The following ZSWIM5 variants were observed in gnomAD, a reference collection of about 807,000 sequenced individuals.
The protein encoded by ZSWIM5 is zinc finger SWIM domain-containing protein 5.
A neutral mutation model predicts 119.6 loss-of-function variants in ZSWIM5; 55 were observed. The observed-to-expected ratio is 0.46, with a 90% CI of 0.37 to 0.58. The LOEUF is 0.58. ZSWIM5 is among the 20% of genes least tolerant of loss of function. ZSWIM5 has a pLI of 0.00. For synonymous variants in ZSWIM5, 537 were observed against 606.9 expected (o/e 0.88, Z 1.69); for missense variants, 1,193 against 1,512.8 (o/e 0.79, Z 3.51).
rs186285827 is a variant in ZSWIM5 at position 45,077,978 on chromosome 1, T to C, written c.952+9903A>G. Among the ~76,000 whole-genome samples, 279 of 152,356 alleles carry C rather than the reference T, an allele frequency of 1.8e-3. 1 individual carries two copies. Among genetic ancestry groups the C allele is most frequent in the Non-Finnish European group, 2.5e-3 (173 of 68,034 alleles). On this transcript the variant is annotated intron_variant, in intron 2 of 13. Coordinates refer to ENST00000359600, the MANE Select transcript of ZSWIM5 (RefSeq NM_020883.2). ...TTTTTCAAGGTGCTCTGATTTCATATTGTACAAACACACATGCTGTACAAT... is the reference window on the plus strand; with the variant it reads ...TTTTTCAAGGTGCTCTGATTTCATACTGTACAAACACACATGCTGTACAAT...
At chr1:45,093,147 T>G (rs1341909833) in intron 1 of ZSWIM5, among the ~76,000 whole-genome samples, 1 of 152,240 alleles carries the variant, frequency 6.6e-6, no homozygotes, top group African/African-American at 2.4e-5. Context: ...CTCTTAACTC[T>G]TATACCATAC....
At chr1:45,053,997 T>C (rs1402830179) in intron 4 of ZSWIM5, among the ~76,000 whole-genome samples, 3 of 151,930 alleles carry the variant, frequency 2.0e-5, no homozygotes, top group Non-Finnish European at 2.9e-5. Flanking sequence ...TAAAAAAAAG[T>C]GTTGGCTTGG....
chr1:45,158,729 G>C (rs953717504), intron 1 of ZSWIM5, among the ~76,000 whole-genome samples: 22 of 152,152 alleles, frequency 1.4e-4, no homozygotes, highest in Non-Finnish European at 2.8e-4. Flanking sequence ...TAATGTGGCA[G>C]TTGCTGCCTT....
chr1:45,185,892 C>T (rs2149051035), intron 1 of ZSWIM5, among the ~76,000 whole-genome samples: 1 of 152,290 alleles, frequency 6.6e-6, no homozygotes. Context: ...CCAGCCATCC[C>T]ATTACTGGGT....
In ZSWIM5 at chr1:45,126,447, C is replaced by T. The variant is rs190691482; in HGVS notation, c.596-38210G>A. On this transcript the variant is annotated intron_variant, in intron 1 of 13. Transcript: ENST00000359600. ...GGACACAGATGAAAAGAAAAAAAAC[C>T]AATTCCTTAGAAAGCACAAACTACC... Among the ~76,000 whole-genome samples, 217 of 152,120 alleles carry T rather than the reference C, an allele frequency of 1.4e-3. 1 individual carries two copies. Among genetic ancestry groups the T allele is most frequent in the South Asian group, 1.5e-3 (7 of 4,826 alleles).
intron 1 of ZSWIM5, among the ~76,000 whole-genome samples, chr1:45,120,122 T>C (rs1645582268): frequency 6.6e-6 from 1 of 152,160 alleles, no homozygotes; most frequent in Non-Finnish European, 1.5e-5. Flanking sequence ...GGTGGGTGGA[T>C]CACTTGAGGT....
At chr1:45,034,104 G>A (rs1359647614) in intron 11 of ZSWIM5, among the ~76,000 whole-genome samples, 1 of 152,088 alleles carries the variant, frequency 6.6e-6, no homozygotes, top group African/African-American at 2.4e-5. Flanking sequence ...CTCCCGCCTC[G>A]GCCTCCCAAA....
In ZSWIM5 at chr1:45,165,328, G is replaced by A. The variant is rs1242004578; in HGVS notation, c.595+40428C>T. On this transcript the variant is annotated intron_variant, in intron 1 of 13. Coordinates refer to ENST00000359600, the MANE Select transcript of ZSWIM5 (RefSeq NM_020883.2). ...ACACATTTAAAGCAGTGTGTAGAGG[G>A]AAATTTACAGCACTAAATGCCTACA... Among the ~76,000 whole-genome samples the A allele has an allele frequency of 2.0e-5, 3 of 152,196 alleles. No homozygotes were observed. The East Asian group carries it at 5.8e-4, about 29-fold the overall frequency.
At chr1:45,060,667 T>C (rs1645147572) in intron 2 of ZSWIM5, among the ~76,000 whole-genome samples, 2 of 152,216 alleles carry the variant, frequency 1.3e-5, no homozygotes, top group African/African-American at 4.8e-5. Flanking sequence ...TCTTTGAACA[T>C]GAAAAGTTCT....
chr1:45,121,445 A>G (rs1645591328), intron 1 of ZSWIM5, among the ~76,000 whole-genome samples: 2 of 152,188 alleles, frequency 1.3e-5, no homozygotes, highest in Admixed American at 6.5e-5. Flanking sequence ...GGCATCAATG[A>G]CCACAAGTCT....
In ZSWIM5 at chr1:45,168,218, G is replaced by A. The variant is rs560989483; in HGVS notation, c.595+37538C>T. Among the ~76,000 whole-genome samples, 145 of 152,006 alleles carry A rather than the reference G, an allele frequency of 9.5e-4. 4 individuals carry two copies. The highest frequency in any genetic ancestry group is 1.0e-3 in the Non-Finnish European group (71 of 67,954). Reference sequence around the variant, plus strand: ...AAACCATCATTCTGAGCAAACTATCGCAAGGACAGAAAACCAAACACCCCG... The same window carrying A: ...AAACCATCATTCTGAGCAAACTATCACAAGGACAGAAAACCAAACACCCCG... On this transcript the variant is annotated intron_variant, in intron 1 of 13. Coordinates refer to ENST00000359600, the MANE Select transcript of ZSWIM5 (RefSeq NM_020883.2).
chr1:45,161,994 T>C (rs1423360581), intron 1 of ZSWIM5, among the ~76,000 whole-genome samples: 1 of 152,242 alleles, frequency 6.6e-6, no homozygotes, highest in Non-Finnish European at 1.5e-5. Flanking sequence ...GTCACTCCTC[T>C]GCTCTCGCTT....
At chr1:45,179,630 A>G (rs972644978) in intron 1 of ZSWIM5, among the ~76,000 whole-genome samples, 9 of 152,214 alleles carry the variant, frequency 5.9e-5, no homozygotes, top group Non-Finnish European at 8.8e-5. Flanking sequence ...ACTTCAACAA[A>G]ACATTGTTGA....
chr1:45,109,513 A>C (rs1302211212), intron 1 of ZSWIM5, among the ~76,000 whole-genome samples: 1 of 152,186 alleles, frequency 6.6e-6, no homozygotes, highest in Non-Finnish European at 1.5e-5. Flanking sequence ...TGGGAGGCTG[A>C]GGTGGGCAGA....
chr1:45,048,194 G>A (rs1347955235), intron 5 of ZSWIM5, among the ~76,000 whole-genome samples: 1 of 148,882 alleles, frequency 6.7e-6, no homozygotes, highest in Admixed American at 6.8e-5. Context: ...AGCAATCCAC[G>A]ATACCTGGCT....
chr1:45,108,290 A>G (rs953929681), intron 1 of ZSWIM5, among the ~76,000 whole-genome samples: 2 of 152,226 alleles, frequency 1.3e-5, no homozygotes, highest in Non-Finnish European at 2.9e-5. Flanking sequence ...ATATAATTGT[A>G]AACTGATTTT....
At chr1:45,067,962 T>C (rs1407163923) in intron 2 of ZSWIM5, among the ~76,000 whole-genome samples, 2 of 152,138 alleles carry the variant, frequency 1.3e-5, no homozygotes, top group Non-Finnish European at 2.9e-5. Flanking sequence ...GAAGATAAGA[T>C]AGAAAGGATG....
At chr1:45,078,047 C>A (rs1042262902) in intron 2 of ZSWIM5, among the ~76,000 whole-genome samples, 16 of 152,200 alleles carry the variant, frequency 1.1e-4, no homozygotes, top group African/African-American at 3.9e-4. Context: ...AGGCGACATA[C>A]ATCCTTCTTG....
intron 2 of ZSWIM5, among the ~76,000 whole-genome samples, chr1:45,074,203 A>G (rs1342467702): frequency 6.6e-6 from 1 of 151,500 alleles, no homozygotes; most frequent in East Asian, 1.9e-4. Context: ...TATTTTTTTG[A>G]TATGTCTTTG....
Sources: allele counts gnomAD v4.1 joint callset (sites outside exome capture counted in the v4.1 genomes callset), GRCh38; gene constraint gnomAD v4.1.1; transcripts MANE v1.5; gene names NCBI Gene and HGNC (gene_info 2026-07-23, HGNC 2026-07-21).